The following PIP5K1B variants were observed in gnomAD, a reference collection of about 807,000 sequenced individuals.
PIP5K1B encodes the protein phosphatidylinositol-4-phosphate 5-kinase type 1 beta.
In PIP5K1B, 42 loss-of-function variants were observed where a neutral mutation model predicts 67.0. That is an observed-to-expected ratio of 0.63 (90% CI 0.49 to 0.81). The LOEUF is 0.81. Among genes scored for constraint, PIP5K1B ranks in the 30% least tolerant of loss-of-function variants. The probability of loss-of-function intolerance (pLI) is 0.00; values close to 1 mark genes in which losing one functional copy is unlikely to be tolerated. For missense variants in PIP5K1B, 459 were observed against 646.3 expected, an observed-to-expected ratio of 0.71 and a Z score of 3.14; for synonymous variants, 214 against 231.4, an observed-to-expected ratio of 0.92 and a Z score of 0.68.
At chr9:68,916,797 G>A (rs534070496) in intron 8 of PIP5K1B, among the ~76,000 whole-genome samples, 4 of 152,116 alleles carry the variant, frequency 2.6e-5, no homozygotes, top group East Asian at 1.9e-4. Context: ...GTTTGAACCC[G>A]GGAGGCAGAG....
At chr9:68,845,638 C>T (rs765900054) in intron 4 of PIP5K1B, among the ~76,000 whole-genome samples, 1 of 152,294 alleles carries the variant, frequency 6.6e-6, no homozygotes, top group African/African-American at 2.4e-5. Context: ...GAAGGCCTAA[C>T]GTGGCTGTTT....
intron 12 of PIP5K1B, 99 bp from the exon 13 acceptor site, chr9:68,934,791 A>T (rs1326153383): frequency 8.4e-6 from 7 of 834,396 alleles, no homozygotes; most frequent in Non-Finnish European, 1.2e-5. Context: ...TCAAATAATA[A>T]CTAAAATGTT....
chr9:68,751,638 A>C (rs994926281), intron 2 of PIP5K1B, among the ~76,000 whole-genome samples: 5 of 152,116 alleles, frequency 3.3e-5, no homozygotes, highest in African/African-American at 4.8e-5. Context: ...GTTGGTAGGG[A>C]TTTACATAGA....
rs139322246 is a variant in PIP5K1B, at chr9:68,952,131, T to C, written c.1502+11341T>C. ...GCTTTGTGAATAGTGTCATATACTA[T>C]GTTTCAGTTTCCTTTCCTGTGTGAC... On this transcript the variant is annotated intron_variant, in intron 14 of 15. Transcript: ENST00000265382. Among the ~76,000 whole-genome samples, 614 of 152,378 alleles carry C rather than the reference T, an allele frequency of 4.0e-3. 1 individual carries two copies. The highest frequency in any genetic ancestry group is 6.5e-3 in the Non-Finnish European group (443 of 68,042).
intron 2 of PIP5K1B, among the ~76,000 whole-genome samples, chr9:68,760,218 C>T (rs1039717236): frequency 2.6e-5 from 4 of 151,970 alleles, no homozygotes; most frequent in African/African-American, 9.7e-5. Flanking sequence ...GTCATCCATC[C>T]ATTGCTTTAC....
intron 15 of PIP5K1B, among the ~76,000 whole-genome samples, chr9:68,992,385 A>C (rs759830779): frequency 2.0e-5 from 3 of 152,248 alleles, no homozygotes; most frequent in Non-Finnish European, 4.4e-5. Flanking sequence ...CAACTTCAGG[A>C]ATCAGCACCG....
intron 6 of PIP5K1B, among the ~76,000 whole-genome samples, chr9:68,885,020 G>A (rs1824398125): frequency 6.6e-6 from 1 of 152,076 alleles, no homozygotes; most frequent in African/African-American, 2.4e-5. Flanking sequence ...CATGTCCACT[G>A]CAGCATTATT....
chr9:69,002,465 A>G (rs1261902398), intron 15 of PIP5K1B, among the ~76,000 whole-genome samples: 4 of 152,266 alleles, frequency 2.6e-5, no homozygotes, highest in African/African-American at 9.6e-5. Context: ...ATTTGTTTCC[A>G]TGCCTAACAA....
chr9:68,708,338 CAT>C (rs1173924195), intron 1 of PIP5K1B, among the ~76,000 whole-genome samples: 1 of 151,986 alleles, frequency 6.6e-6, no homozygotes, highest in Non-Finnish European at 1.5e-5. Flanking sequence ...ATAAGGAAAA[CAT>C]ATGCTGTAAA....
intron 5 of PIP5K1B, among the ~76,000 whole-genome samples, chr9:68,869,253 G>T (rs1315444757): frequency 6.6e-6 from 1 of 152,204 alleles, no homozygotes; most frequent in Non-Finnish European, 1.5e-5. Context: ...TCCGCCTCCT[G>T]TCAGATCACT....
intron 7 of PIP5K1B, among the ~76,000 whole-genome samples, chr9:68,889,734 CAAA>C (rs11349016): frequency 2.5e-5 from 2 of 79,736 alleles, no homozygotes; most frequent in South Asian, 4.3e-4. Flanking sequence ...GACTCCTTCT[CAAA>C]AAAAAAAAAA....
intron 2 of PIP5K1B, among the ~76,000 whole-genome samples, chr9:68,752,482 ATTCT>A (rs972008820): frequency 8.6e-5 from 13 of 151,974 alleles, no homozygotes; most frequent in Non-Finnish European, 1.8e-4. Flanking sequence ...TTTCCTTTTT[ATTCT>A]TTCTTTTTTT....
chr9:68,980,085 G>C lies in PIP5K1B; in HGVS notation c.1503-11055G>C, dbSNP rs1268545379. ...GGGCTGAGCATGAAGGAGCCGCTCT[G>C]TCCTGGCAGGAGCATGAGATGTGCC... On this transcript the variant is annotated intron_variant, in intron 14 of 15. Coordinates refer to ENST00000265382, the MANE Select transcript of PIP5K1B (RefSeq NM_003558.4). Among the ~76,000 whole-genome samples, 5 of 152,314 alleles carry C rather than the reference G, an allele frequency of 3.3e-5. No individual in the cohort carries two copies. The East Asian group carries it at 9.6e-4, about 29-fold the overall frequency.
At chr9:68,774,655 G>A (rs149565309) in intron 2 of PIP5K1B, among the ~76,000 whole-genome samples, 1 of 152,252 alleles carries the variant, frequency 6.6e-6, no homozygotes, top group Non-Finnish European at 1.5e-5. Flanking sequence ...GCCCCTCTCA[G>A]TCAGTCCTAA....
intron 6 of PIP5K1B, among the ~76,000 whole-genome samples, chr9:68,884,179 A>G (rs977843030): frequency 2.6e-5 from 4 of 152,180 alleles, no homozygotes; most frequent in Admixed American, 2.0e-4. Flanking sequence ...AAGCTTCTGC[A>G]CTACAAAGGA....
intron 3 of PIP5K1B, among the ~76,000 whole-genome samples, chr9:68,821,375 T>G (rs1372981440): frequency 6.6e-6 from 1 of 152,156 alleles, no homozygotes; most frequent in African/African-American, 2.4e-5. Flanking sequence ...CCATAATAGG[T>G]AAAAATCAAT....
At chr9:68,764,074 CTTTTTTTTTTTTTT>C (rs72304177) in intron 2 of PIP5K1B, among the ~76,000 whole-genome samples, 2 of 73,516 alleles carry the variant, frequency 2.7e-5, no homozygotes, top group Non-Finnish European at 5.1e-5. Flanking sequence ...ACTATAACTT[CTTTTTTTTTTTTTT>C]TTTTTTTTTT....
intron 2 of PIP5K1B, among the ~76,000 whole-genome samples, chr9:68,803,408 A>G (rs1832708998): frequency 6.6e-6 from 1 of 152,228 alleles, no homozygotes; most frequent in Non-Finnish European, 1.5e-5. Flanking sequence ...AGAATTCGGA[A>G]GACCATGAGG....
At chr9:68,992,775 G>T (rs1329908627) in intron 15 of PIP5K1B, among the ~76,000 whole-genome samples, 1 of 144,966 alleles carries the variant, frequency 6.9e-6, no homozygotes, top group Non-Finnish European at 1.5e-5. Context: ...GGGAGGCGGA[G>T]GTTGCAATGA....
Sources: gnomAD v4.1 joint callset for allele counts (sites outside exome capture counted in the v4.1 genomes callset) on GRCh38, gnomAD v4.1.1 for gene constraint, MANE v1.5 for transcripts, NCBI Gene and HGNC (gene_info 2026-07-23, HGNC 2026-07-21) for gene names.